NCOA2: variants seen among roughly 807,000 people sequenced by gnomAD.
The protein encoded by NCOA2 is nuclear receptor coactivator 2.
In NCOA2, 21 loss-of-function variants were observed where a neutral mutation model predicts 145.1. The ratio of observed to expected loss-of-function variants is 0.14; its 90% CI spans 0.10 to 0.21. The LOEUF is 0.21. Ranked by LOEUF, NCOA2 falls within the 10% of genes least tolerant of loss-of-function variation. The probability of loss-of-function intolerance (pLI) is 1.00; values close to 1 mark genes in which losing one functional copy is unlikely to be tolerated. For synonymous variants in NCOA2, 619 were observed against 637.5 expected (o/e 0.97, Z 0.44); for missense variants, 1,472 against 1,837.6 (o/e 0.80, Z 3.64).
chr8:70,386,616 A>G (rs1158805083), intron 1 of NCOA2, among the ~76,000 whole-genome samples: 1 of 152,232 alleles, frequency 6.6e-6, no homozygotes, highest in Non-Finnish European at 1.5e-5. Flanking sequence ...CTTTATTAAA[A>G]AAGATAATTC....
chr8:70,278,385 T>C (rs1825624255), intron 2 of NCOA2, among the ~76,000 whole-genome samples: 1 of 152,180 alleles, frequency 6.6e-6, no homozygotes, highest in Admixed American at 6.5e-5. Flanking sequence ...ATATTCACGT[T>C]CCATCAATAT....
At chr8:70,208,109 T>A (rs1818651511) in intron 4 of NCOA2, among the ~76,000 whole-genome samples, 1 of 151,534 alleles carries the variant, frequency 6.6e-6, no homozygotes, top group African/African-American at 2.4e-5. Context: ...TAAAATAAAA[T>A]AAATATAAGA....
Position 70,292,312 on chromosome 8 carries a change from C to T in NCOA2, c.-20+4432G>A, listed in dbSNP as rs1374635190. On this transcript the variant is annotated intron_variant, in intron 2 of 22. Transcript: ENST00000452400. ...GGACTACAGGCACACGCCACCATGC[C>T]CAGCTAATTTTTGTATTTTTAGTAG... 6.6e-5 allele frequency among the ~76,000 whole-genome samples: 10 copies of T among 151,830 alleles called. 1 individual carries two copies. The highest frequency in any genetic ancestry group is 3.4e-3 in the Middle Eastern group (1 of 292).
intron 1 of NCOA2, among the ~76,000 whole-genome samples, chr8:70,354,316 T>C (rs898325725): frequency 1.3e-5 from 2 of 152,222 alleles, no homozygotes; most frequent in East Asian, 3.8e-4. Context: ...TAACGATTTA[T>C]TTTGATGTTT....
chr8:70,354,606 G>C (rs961106896), intron 1 of NCOA2, among the ~76,000 whole-genome samples: 1 of 152,086 alleles, frequency 6.6e-6, no homozygotes, highest in African/African-American at 2.4e-5. Context: ...GAGAAACCTG[G>C]CCCTTCATCT....
At chr8:70,255,112 A>G (rs974242197) in intron 2 of NCOA2, among the ~76,000 whole-genome samples, 9 of 152,222 alleles carry the variant, frequency 5.9e-5, no homozygotes, top group African/African-American at 2.2e-4. Flanking sequence ...CCATAAGGAG[A>G]GAAGCCAAGT....
chr8:70,287,410 T>C (rs1383600330), intron 2 of NCOA2, among the ~76,000 whole-genome samples: 2 of 152,196 alleles, frequency 1.3e-5, no homozygotes, highest in Non-Finnish European at 2.9e-5. Context: ...AAATTTGCTT[T>C]AGAATTGAAA....
At chr8:70,362,039 A>G (rs1810249910) in intron 1 of NCOA2, among the ~76,000 whole-genome samples, 2 of 152,244 alleles carry the variant, frequency 1.3e-5, no homozygotes, top group South Asian at 4.1e-4. Context: ...CAGAGAACAG[A>G]ATTCATTTCC....
rs529875800 is a variant in NCOA2 at position 70,398,034 on chromosome 8, T to C, written c.-77+5666A>G. Among the ~76,000 whole-genome samples the C allele has an allele frequency of 8.3e-4, 126 of 152,304 alleles. 1 individual carries two copies. Among genetic ancestry groups the C allele is most frequent in the African/African-American group, 2.9e-3 (122 of 41,556 alleles). Reference sequence around the variant, plus strand: ...ATGTTCCCCCTTTAATTACTGGCTCTGTAATGGATGGTTTATACTATCAAA... The same window carrying C: ...ATGTTCCCCCTTTAATTACTGGCTCCGTAATGGATGGTTTATACTATCAAA... On this transcript the variant is annotated intron_variant, in intron 1 of 22. Transcript: ENST00000452400.
intron 1 of NCOA2, among the ~76,000 whole-genome samples, chr8:70,329,148 A>G (rs1806857195): frequency 6.6e-6 from 1 of 152,022 alleles, no homozygotes; most frequent in African/African-American, 2.4e-5. Context: ...TTTTTGAGAC[A>G]GGGTCTCACT....
chr8:70,222,009 C>T (rs549289668), intron 2 of NCOA2, among the ~76,000 whole-genome samples: 119 of 152,112 alleles, frequency 7.8e-4, no homozygotes, highest in African/African-American at 2.7e-3. Context: ...GTCATCTTTA[C>T]GTAATACTGT....
intron 1 of NCOA2, among the ~76,000 whole-genome samples, chr8:70,297,445 C>T (rs570660128): frequency 6.6e-6 from 1 of 152,262 alleles, no homozygotes; most frequent in African/African-American, 2.4e-5. Flanking sequence ...GTGATCCTCC[C>T]GCCCCAGCCT....
At chr8:70,305,787 G>A (rs1827843965) in intron 1 of NCOA2, among the ~76,000 whole-genome samples, 1 of 152,172 alleles carries the variant, frequency 6.6e-6, no homozygotes, top group Non-Finnish European at 1.5e-5. Flanking sequence ...GATTAAGTAT[G>A]TCAATATTTT....
chr8:70,300,848 T>C (rs911662060), intron 1 of NCOA2, among the ~76,000 whole-genome samples: 1 of 152,222 alleles, frequency 6.6e-6, no homozygotes, highest in Non-Finnish European at 1.5e-5. Flanking sequence ...TGAATGCTTA[T>C]TCTGTGAGAG....
At chr8:70,128,610 C>T in intron 17 of NCOA2, 92 bp downstream of exon 17, 1 of 1,591,990 alleles carries the variant, frequency 6.3e-7, no homozygotes, top group East Asian at 2.2e-5. Context: ...CCAGTATCTG[C>T]ACATTGTTGG....
Position 70,403,755 on chromosome 8 carries a change from CGCCGAAGCTGTA to C in NCOA2, c.-144_-133del. On this transcript the variant is annotated 5_prime_UTR_variant, in exon 1 of 23. Transcript: ENST00000452400. ...GGCTGCCGTCGGCGCTGACCTTCGC[CGCCGAAGCTGTA>C]GCCGAGGCTGCGGCCGCCATGTTCC... 1 of 397,820 alleles carries C rather than the reference CGCCGAAGCTGTA, an allele frequency of 2.5e-6. No homozygotes were observed. Among genetic ancestry groups the C allele is most frequent in the Non-Finnish European group, 4.4e-6 (1 of 225,500 alleles). The allele number at this position is 397,820 out of a possible 1,614,324, so 24.6% of individuals were successfully genotyped here.
chr8:70,216,590 A>G (rs1819639508), intron 3 of NCOA2, 70 bp downstream of exon 3: 12 of 1,277,884 alleles, frequency 9.4e-6, no homozygotes, highest in Non-Finnish European at 1.1e-5. Flanking sequence ...AATCAATGCT[A>G]AAATAACAAA....
rs1213501827 is a variant in NCOA2 at position 70,111,072 on chromosome 8, TC to T, written c.*2559del. 2 of 221,132 alleles carry T rather than the reference TC, an allele frequency of 9.0e-6. No individual in the cohort carries two copies. Among genetic ancestry groups the T allele is most frequent in the Admixed American group, 1.2e-4 (2 of 17,378 alleles). 13.7% of individuals were successfully genotyped at this position (221,132 alleles called of 1,614,324 possible). ...AGGATTCCTTCACTTACTTTTCTTCTCCTAACTAGATGTAAAACAAAATCCA... is the reference window on the plus strand; with the variant it reads ...AGGATTCCTTCACTTACTTTTCTTCTCTAACTAGATGTAAAACAAAATCCA... On this transcript the variant is annotated 3_prime_UTR_variant, in exon 23 of 23. Coordinates refer to ENST00000452400, the MANE Select transcript of NCOA2 (RefSeq NM_006540.4).
chr8:70,358,845 G>A (rs1367523825), intron 1 of NCOA2, among the ~76,000 whole-genome samples: 1 of 151,996 alleles, frequency 6.6e-6, no homozygotes, highest in African/African-American at 2.4e-5. Flanking sequence ...AGTTGATAAG[G>A]GTCTAGTATC....
Sources: allele counts gnomAD v4.1 joint callset (sites outside exome capture counted in the v4.1 genomes callset), GRCh38; gene constraint gnomAD v4.1.1; transcripts MANE v1.5; gene names NCBI Gene and HGNC (gene_info 2026-07-23, HGNC 2026-07-21).